The following SEMA3A variants were observed in gnomAD, a reference collection of about 807,000 sequenced individuals.
SEMA3A encodes the protein semaphorin 3A.
In SEMA3A, 29 loss-of-function variants were observed where a neutral mutation model predicts 97.9. The ratio of observed to expected loss-of-function variants is 0.30; its 90% confidence interval spans 0.22 to 0.40. The LOEUF (loss-of-function observed/expected upper bound fraction) is 0.40, where lower values mean the gene tolerates loss of function less well. Ranked by LOEUF, SEMA3A falls within the 10% of genes least tolerant of loss-of-function variation. The pLI, the probability that SEMA3A is intolerant of heterozygous loss-of-function variation, is 1.00. For missense variants in SEMA3A, 763 were observed against 951.3 expected (o/e 0.80, Z 2.60); for synonymous variants, 321 against 323.7 (o/e 0.99, Z 0.09).
rs1249041616 is a variant in SEMA3A, at chr7:84,001,999, A to G, written c.1408T>C (p.Tyr470His). ...TCCAGCAGAACCTCTTCTAAATCAT[A>G]CCAAGTCTCCTTAGGAATTGAAACT... ...KVVSIPKETW[Y>H]DLEEVLLEEM... The change falls in exon 12 of 17, where the codon TAT becomes CAT. Residue 470 changes from tyrosine (Y) to histidine (H), a missense_variant. Tyr to His is a moderately conservative substitution (Grantham distance 83). This residue lies in a region of SEMA3A where 678 missense variants were observed against 881.3 expected (regional missense o/e 0.77). Transcript: ENST00000265362. 1 of 1,612,878 alleles carries G rather than the reference A, an allele frequency of 6.2e-7. No individual in the cohort carries two copies. Among genetic ancestry groups the G allele is most frequent in the Non-Finnish European group, 8.5e-7 (1 of 1,179,346 alleles).
At chr7:84,422,745 T>C (rs562252295) in intron 1 of SEMA3A, among the ~76,000 whole-genome samples, 2 of 152,140 alleles carry the variant, frequency 1.3e-5, no homozygotes, top group Non-Finnish European at 2.9e-5. Flanking sequence ...AAAGAACTTA[T>C]TTATTTCTGC....
chr7:84,034,813 C>T (rs17158535), intron 6 of SEMA3A, among the ~76,000 whole-genome samples: 44,567 of 151,700 alleles, frequency 0.29, 7,279 homozygotes, highest in East Asian at 0.6. Flanking sequence ...TATTTGACTG[C>T]TCATATGGAG....
intron 1 of SEMA3A, among the ~76,000 whole-genome samples, chr7:84,168,702 G>A (rs1260399078): frequency 1.3e-5 from 2 of 151,640 alleles, no homozygotes; most frequent in Non-Finnish European, 3.0e-5. Flanking sequence ...CATTTTATAA[G>A]CAAATTAGAT....
intron 2 of SEMA3A, among the ~76,000 whole-genome samples, chr7:84,324,431 C>G (rs1298364125): frequency 6.6e-6 from 1 of 152,132 alleles, no homozygotes; most frequent in East Asian, 1.9e-4. Flanking sequence ...GCTGAATTGG[C>G]TTTGGAATTC....
chr7:83,968,337 G>T (rs999805145), intron 15 of SEMA3A, among the ~76,000 whole-genome samples: 4 of 152,204 alleles, frequency 2.6e-5, no homozygotes, highest in Non-Finnish European at 1.5e-5. Flanking sequence ...CCTATGCTGA[G>T]TGAGACCTTT....
chr7:84,127,102 C>G (rs3029), intron 3 of SEMA3A, among the ~76,000 whole-genome samples: 73,894 of 151,414 alleles, frequency 0.49, 19,157 homozygotes, highest in East Asian at 0.69. Context: ...TTGACAGATT[C>G]TCTCCTTACC....
At chr7:84,480,297 G>A (rs1307239138) in intron 1 of SEMA3A, among the ~76,000 whole-genome samples, 4 of 152,124 alleles carry the variant, frequency 2.6e-5, no homozygotes, top group Admixed American at 6.6e-5. Context: ...AGGTATACTA[G>A]GAATGGAGAA....
At chr7:84,154,039 T>C (rs1796759804) in intron 1 of SEMA3A, among the ~76,000 whole-genome samples, 1 of 152,088 alleles carries the variant, frequency 6.6e-6, no homozygotes, top group Admixed American at 6.5e-5. Context: ...TATATTAATT[T>C]CAAATAAATA....
intron 1 of SEMA3A, among the ~76,000 whole-genome samples, chr7:84,416,308 G>GCCA: frequency 6.6e-6 from 1 of 152,092 alleles, no homozygotes; most frequent in Middle Eastern, 3.4e-3. Flanking sequence ...ATTTTCTCTT[G>GCCA]CCACCACCAT....
Position 84,149,737 on chromosome 7 carries a change from C to G in SEMA3A, c.113-14786G>C, listed in dbSNP as rs562606414. Among the ~76,000 whole-genome samples the G allele has an allele frequency of 2.2e-3, 333 of 152,278 alleles. 1 individual carries two copies. The highest frequency in any genetic ancestry group is 3.5e-3 in the Non-Finnish European group (241 of 68,020). Reference sequence around the variant, plus strand: ...AACACTACTAACAATGTTAAAATTACAAGTCATAAACATTGTTTAGAGTGA... The same window carrying G: ...AACACTACTAACAATGTTAAAATTAGAAGTCATAAACATTGTTTAGAGTGA... On this transcript the variant is annotated intron_variant, in intron 1 of 16. Transcript: ENST00000265362.
intron 1 of SEMA3A, among the ~76,000 whole-genome samples, chr7:84,424,854 TAA>T (rs1365532823): frequency 2.5e-5 from 2 of 78,598 alleles, no homozygotes; most frequent in East Asian, 1.1e-3. Context: ...TATATATAAA[TAA>T]TTTATATAAA....
At chr7:84,342,014 G>A (rs889866505) in intron 2 of SEMA3A, among the ~76,000 whole-genome samples, 50 of 151,922 alleles carry the variant, frequency 3.3e-4, no homozygotes, top group African/African-American at 1.2e-3. Context: ...AAATTATCAA[G>A]TCAGATTCGT....
intron 2 of SEMA3A, among the ~76,000 whole-genome samples, chr7:84,312,921 T>TACACACACACACAC (rs1323561552): frequency 1.2e-4 from 4 of 32,876 alleles, no homozygotes; most frequent in South Asian, 1.2e-3. Context: ...TATATATATA[T>TACACACACACACAC]ACACACACAC....
At chr7:84,150,909 C>A (rs962746197) in intron 1 of SEMA3A, among the ~76,000 whole-genome samples, 1 of 150,898 alleles carries the variant, frequency 6.6e-6, no homozygotes, top group Non-Finnish European at 1.5e-5. Flanking sequence ...GGGCAGACTG[C>A]CTCCTCAAGT....
At chr7:84,392,420 T>C (rs1170277022) in intron 1 of SEMA3A, among the ~76,000 whole-genome samples, 1 of 152,202 alleles carries the variant, frequency 6.6e-6, no homozygotes, top group Non-Finnish European at 1.5e-5. Flanking sequence ...TTAGGCTGAA[T>C]AGTATTCCAT....
At chr7:84,102,673 C>T (rs540806565) in intron 4 of SEMA3A, among the ~76,000 whole-genome samples, 10 of 148,956 alleles carry the variant, frequency 6.7e-5, no homozygotes, top group Middle Eastern at 3.5e-3. Flanking sequence ...CTCGGCCTCC[C>T]GGGTTCAAGC....
intron 12 of SEMA3A, 81 bp from the exon 13 acceptor site, chr7:83,985,558 A>G (rs1229198972): frequency 8.9e-7 from 1 of 1,126,406 alleles, no homozygotes; most frequent in East Asian, 2.3e-5. Context: ...AGGCACTGCC[A>G]TTAGTTTTCA....
At position 84,460,820 on chromosome 7, in the gene SEMA3A, C is replaced by T. The variant is rs556742884; in HGVS notation, c.-246+31640G>A. Among the ~76,000 whole-genome samples the T allele has an allele frequency of 9.2e-5, 14 of 152,250 alleles. No homozygotes were observed. In the East Asian group the frequency reaches 2.7e-3, roughly 29 times the overall value. On this transcript the variant is annotated intron_variant, in intron 1 of 3. Transcript: ENST00000424555. The stretch of plus-strand genomic sequence containing the variant: ...AGGCTCAAAAAGCAAGTCGAAGGAG[C>T]CAGGGCTTCAGCTTCCTGGGTTCAG...
At chr7:84,478,934 T>C (rs1297682713) in intron 1 of SEMA3A, among the ~76,000 whole-genome samples, 4 of 152,174 alleles carry the variant, frequency 2.6e-5, no homozygotes, top group African/African-American at 4.8e-5. Context: ...CAACCTTATA[T>C]AAAATCATAC....
Sources: allele counts gnomAD v4.1 joint callset (sites outside exome capture counted in the v4.1 genomes callset), GRCh38; gene constraint gnomAD v4.1.1; regional missense constraint gnomAD v4.1.1; transcripts MANE v1.5; gene names NCBI Gene and HGNC (gene_info 2026-07-23, HGNC 2026-07-21).